The following SLC28A1 variants were observed in gnomAD, a reference collection of about 807,000 sequenced individuals.
SLC28A1 encodes solute carrier family 28 member 1, also known as sodium/nucleoside cotransporter 1.
SLC28A1 carries 64 observed loss-of-function variants against 74.8 expected under a neutral mutation model. The observed-to-expected ratio is 0.86, with a 90% CI of 0.70 to 1.05. The LOEUF (loss-of-function observed/expected upper bound fraction) is 1.05, where lower values mean the gene tolerates loss of function less well. SLC28A1 is among the 50% of genes least tolerant of loss of function. The probability of loss-of-function intolerance (pLI) is 0.00; values close to 1 mark genes in which losing one functional copy is unlikely to be tolerated. For synonymous variants in SLC28A1, 359 were observed against 335.0 expected, an observed-to-expected ratio of 1.07 and a Z score of -0.78; for missense variants, 828 against 822.8, an observed-to-expected ratio of 1.01 and a Z score of -0.08.
At chr15:84,952,776 C>T in the SLC28A1 span, among the ~76,000 whole-genome samples, 1 of 152,184 alleles carries the variant, frequency 6.6e-6, no homozygotes, top group Middle Eastern at 3.4e-3. Context: ...GTAGTCCCAG[C>T]CACTCCTGGG....
chr15:84,928,616 TTTTC>T lies in SLC28A1; in HGVS notation c.1084-4513_1084-4510del, dbSNP rs1359643086. 4.4e-4 allele frequency among the ~76,000 whole-genome samples: 2 copies of T among 4,568 alleles called. 1 individual carries two copies. Among genetic ancestry groups the T allele is most frequent in the Non-Finnish European group, 7.5e-4 (2 of 2,670 alleles). The allele number at this position is 4,568 out of a possible 152,430, so 3.0% of individuals were successfully genotyped here. On this transcript the variant is annotated intron_variant, in intron 12 of 18. Coordinates refer to ENST00000394573, the MANE Select transcript of SLC28A1 (RefSeq NM_004213.5). The stretch of plus-strand genomic sequence containing the variant: ...TTTCTTTCTTTCTTTTCTTTCTTTC[TTTTC>T]TTTCTTTCTTTCTTTTTTTTTGAGA...
downstream of SLC28A1, among the ~76,000 whole-genome samples, chr15:84,946,725 G>A (rs73441970): frequency 3.9e-5 from 6 of 151,970 alleles, no homozygotes; most frequent in East Asian, 1.9e-4. Flanking sequence ...CACCTCCCTC[G>A]CTGCCTTTCC....
Position 84,895,114 on chromosome 15 carries a change from G to A in SLC28A1, c.452G>A (p.Trp151Ter). ...KPQGHPRLLL[W>*]FKRGLALAAF... is the part of the protein sequence containing the mutation. Reference sequence around the variant, plus strand: ...CAGGGCCATCCCCGCCTGCTGCTCTGGTTTAAGAGGTGAGTGAGCTCACAG... The same window carrying A: ...CAGGGCCATCCCCGCCTGCTGCTCTAGTTTAAGAGGTGAGTGAGCTCACAG... Residue 151 changes from tryptophan to a stop codon, truncating the protein, a stop_gained, in exon 6 of 19, where the codon TGG becomes TAG. Transcript: ENST00000394573. LOFTEE classifies it high-confidence loss of function. The A allele has an allele frequency of 6.2e-7, 1 of 1,613,824 alleles. No individual in the cohort carries two copies. Among genetic ancestry groups the A allele is most frequent in the Non-Finnish European group, 8.5e-7 (1 of 1,179,844 alleles).
intron 12 of SLC28A1, among the ~76,000 whole-genome samples, chr15:84,926,364 ATTTTTT>A (rs35383548): frequency 7.7e-6 from 1 of 130,346 alleles, no homozygotes; most frequent in African/African-American, 2.8e-5. Flanking sequence ...ACCCCTGGCT[ATTTTTT>A]TTTTTTTTTT....
chr15:84,925,255 G>C (rs1970375348), intron 12 of SLC28A1, among the ~76,000 whole-genome samples: 1 of 151,886 alleles, frequency 6.6e-6, no homozygotes, highest in Non-Finnish European at 1.5e-5. Flanking sequence ...CAGCTATTCT[G>C]AAAGTGGGGT....
chr15:84,936,688 A>G (rs933964411), intron 15 of SLC28A1, among the ~76,000 whole-genome samples: 26 of 152,224 alleles, frequency 1.7e-4, no homozygotes, highest in Non-Finnish European at 2.6e-4. Context: ...TGAGAATGAA[A>G]AAATTACCTA....
At chr15:84,887,650 C>T (rs988133388) in intron 2 of SLC28A1, 95 bp from the exon 3 acceptor site, 4 of 1,559,144 alleles carry the variant, frequency 2.6e-6, no homozygotes, top group Non-Finnish European at 3.5e-6. Flanking sequence ...GCATCTGCTC[C>T]CCCCACTCAG....
At chr15:84,924,903 TTTG>T (rs1183330400) in intron 12 of SLC28A1, among the ~76,000 whole-genome samples, 1 of 145,008 alleles carries the variant, frequency 6.9e-6, no homozygotes. Context: ...ATTAATTTTT[TTTG>T]TTTGTTTGTT....
chr15:84,919,609 C>A (rs1969557562), intron 10 of SLC28A1, among the ~76,000 whole-genome samples: 2 of 152,104 alleles, frequency 1.3e-5, no homozygotes, highest in Admixed American at 1.3e-4. Flanking sequence ...GAAGTGAGCA[C>A]ACAAGACACA....
At chr15:84,973,649 G>T in the SLC28A1 span, among the ~76,000 whole-genome samples, 1 of 152,172 alleles carries the variant, frequency 6.6e-6, no homozygotes, top group Non-Finnish European at 1.5e-5. Context: ...TCCCTACTGC[G>T]ATACACACTC....
At chr15:84,963,809 G>A in the SLC28A1 span, among the ~76,000 whole-genome samples, 1 of 152,280 alleles carries the variant, frequency 6.6e-6, no homozygotes, top group African/African-American at 2.4e-5. Context: ...AGGATGCTTA[G>A]ATCCAGCCCC....
At chr15:84,917,060 C>CAGA (rs1313728063) in intron 9 of SLC28A1, among the ~76,000 whole-genome samples, 2 of 143,476 alleles carry the variant, frequency 1.4e-5, no homozygotes, top group African/African-American at 5.1e-5. Context: ...AAGGTAGGAA[C>CAGA]AGATGAGAAA....
chr15:84,944,772 C>A lies in SLC28A1; in HGVS notation c.1779C>A (p.Pro593=). Residue 593 remains proline (P), a synonymous_variant, in exon 18 of 19, where the codon CCC becomes CCA. Transcript: ENST00000394573. ...NACMAGILYM[P]RGAEVDCMSL... is the part of the protein sequence containing the mutation. The stretch of plus-strand genomic sequence containing the variant: ...CCTCTACAGGGATCCTCTACATGCC[C>A]AGGGGGGCTGAAGTTGACTGCATGT... 6.2e-7 allele frequency: 1 copy of A among 1,613,886 alleles called. No homozygotes were observed. Among genetic ancestry groups the A allele is most frequent in the Non-Finnish European group, 8.5e-7 (1 of 1,179,788 alleles).
At chr15:84,928,435 A>C (rs569992161) in intron 12 of SLC28A1, among the ~76,000 whole-genome samples, 143 of 151,634 alleles carry the variant, frequency 9.4e-4, no homozygotes, top group Non-Finnish European at 1.8e-3. Flanking sequence ...TTCCTTCCCC[A>C]GTCAGTTCCT....
chr15:84,890,327 C>G, intron 4 of SLC28A1, 116 bp from the exon 5 acceptor site: 1 of 762,296 alleles, frequency 1.3e-6, no homozygotes, highest in Non-Finnish European at 2.3e-6. Flanking sequence ...TCAAGGCAAG[C>G]CCTGGCTTGC....
At chr15:84,893,177 C>A (rs908802580) in intron 5 of SLC28A1, among the ~76,000 whole-genome samples, 29 of 152,134 alleles carry the variant, frequency 1.9e-4, no homozygotes, top group Non-Finnish European at 5.9e-5. Context: ...GCACTCATCT[C>A]GGCTGGCCTC....
chr15:84,902,412 G>A (rs950787310), intron 6 of SLC28A1, among the ~76,000 whole-genome samples: 6 of 152,026 alleles, frequency 3.9e-5, no homozygotes, highest in Admixed American at 2.6e-4. Flanking sequence ...CCCCGGAGGT[G>A]GAGGTTGCAG....
chr15:84,943,650 C>T, intron 16 of SLC28A1, 124 bp downstream of exon 16: 1 of 771,740 alleles, frequency 1.3e-6, no homozygotes, highest in South Asian at 1.4e-5. Context: ...CCATAGAGGC[C>T]AGGTGTGGTG....
intron 16 of SLC28A1, 110 bp from the exon 17 acceptor site, chr15:84,944,456 C>T (rs1209162616): frequency 3.3e-5 from 25 of 761,268 alleles, no homozygotes; most frequent in Non-Finnish European, 5.0e-5. Context: ...TCCCTCTGGC[C>T]ATCTATTAAT....
Sources: gnomAD v4.1 joint callset for allele counts (sites outside exome capture counted in the v4.1 genomes callset) on GRCh38, gnomAD v4.1.1 for gene constraint, MANE v1.5 for transcripts, NCBI Gene and HGNC (gene_info 2026-07-23, HGNC 2026-07-21) for gene names.